OPCML: variants seen among roughly 807,000 people sequenced by gnomAD.
OPCML encodes opioid-binding protein/cell adhesion molecule.
In OPCML, 13 loss-of-function variants were observed where a neutral mutation model predicts 37.8. The observed-to-expected ratio is 0.34, with a 90% CI of 0.22 to 0.55. The LOEUF is 0.55. OPCML is among the 20% of genes least tolerant of loss of function. The probability of loss-of-function intolerance (pLI) is 0.91; values close to 1 mark genes in which losing one functional copy is unlikely to be tolerated. For missense variants in OPCML, 341 were observed against 435.6 expected, an observed-to-expected ratio of 0.78 and a Z score of 1.93; for synonymous variants, 176 against 168.8, an observed-to-expected ratio of 1.04 and a Z score of -0.33.
intron 4 of OPCML, among the ~76,000 whole-genome samples, chr11:132,512,643 T>A (rs2096271336): frequency 6.6e-6 from 1 of 151,830 alleles, no homozygotes; most frequent in South Asian, 2.1e-4. Flanking sequence ...TAGATATGTG[T>A]GTAGGGTGCA....
chr11:133,272,530 AC>A (rs1039578202), intron 1 of OPCML, among the ~76,000 whole-genome samples: 14 of 152,110 alleles, frequency 9.2e-5, no homozygotes, highest in African/African-American at 3.4e-4. Flanking sequence ...GCAGGCCTGA[AC>A]CCTGTGTCCC....
intron 1 of OPCML, among the ~76,000 whole-genome samples, chr11:133,030,720 A>C (rs1235383629): frequency 2.0e-5 from 3 of 152,190 alleles, no homozygotes; most frequent in Non-Finnish European, 4.4e-5. Flanking sequence ...TGCTCATTTT[A>C]GATTTTAAAA....
intron 1 of OPCML, among the ~76,000 whole-genome samples, chr11:133,408,703 T>C (rs991446063): frequency 6.6e-6 from 1 of 152,004 alleles, no homozygotes; most frequent in Non-Finnish European, 1.5e-5. Context: ...TATGCACAGC[T>C]GTAGGATGTG....
At chr11:132,530,657 A>T (rs143077483) in intron 3 of OPCML, among the ~76,000 whole-genome samples, 175 of 151,458 alleles carry the variant, frequency 1.2e-3, no homozygotes, top group Non-Finnish European at 2.0e-3. Flanking sequence ...GTTTCCTCTA[A>T]CACAGCACAT....
chr11:133,456,715 G>C (rs1946678829), intron 1 of OPCML, among the ~76,000 whole-genome samples: 1 of 149,994 alleles, frequency 6.7e-6, no homozygotes, highest in African/African-American at 2.5e-5. Context: ...TATCAACAAA[G>C]AGACAAAAAT....
intron 1 of OPCML, among the ~76,000 whole-genome samples, chr11:133,197,143 T>G (rs1388609852): frequency 6.6e-6 from 1 of 152,174 alleles, no homozygotes; most frequent in African/African-American, 2.4e-5. Context: ...TTTTATACAA[T>G]ATGGCATTTT....
intron 1 of OPCML, among the ~76,000 whole-genome samples, chr11:133,194,822 C>A (rs183982810): frequency 1.3e-5 from 2 of 152,154 alleles, no homozygotes; most frequent in Non-Finnish European, 2.9e-5. Flanking sequence ...GGGACACATA[C>A]GTAATGCCCC....
In OPCML at chr11:133,212,328, T is replaced by G. The variant is rs1430412849; in HGVS notation, c.62-269318A>C. 6.6e-6 allele frequency among the ~76,000 whole-genome samples: 1 copy of G among 152,076 alleles called. No individual in the cohort carries two copies. The highest frequency in any genetic ancestry group is 2.4e-5 in the African/African-American group (1 of 41,400). ...GCCCTGCTTCCCATTTCCTCTCAGA[T>G]CTCATCTCCTGCCACTCTCCCACTG... is the stretch of plus-strand genomic sequence containing the variant. On this transcript the variant is annotated intron_variant, in intron 1 of 7. Transcript: ENST00000524381. The surrounding 1 kb of genome is among the most constrained non-coding windows in gnomAD (Gnocchi z 4.9).
At chr11:132,549,068 C>T (rs2096375535) in intron 3 of OPCML, among the ~76,000 whole-genome samples, 3 of 152,094 alleles carry the variant, frequency 2.0e-5, no homozygotes, top group South Asian at 4.1e-4. Flanking sequence ...GTTAGGCATT[C>T]TTAGACACAG....
chr11:132,944,004 G>C (rs10894625), intron 1 of OPCML, among the ~76,000 whole-genome samples: 99,084 of 151,750 alleles, frequency 0.65, 33,471 homozygotes, highest in Non-Finnish European at 0.74. Context: ...CGAGCGGGCT[G>C]GCGGGCGGCG....
chr11:133,153,962 G>A (rs143107672), intron 1 of OPCML, among the ~76,000 whole-genome samples: 4,026 of 152,160 alleles, frequency 0.026, 79 homozygotes, highest in Non-Finnish European at 0.039. Context: ...CGAGAACACG[G>A]AAGTGCCCAC....
At chr11:133,127,149 T>C (rs1028350792) in intron 1 of OPCML, among the ~76,000 whole-genome samples, 6 of 152,162 alleles carry the variant, frequency 3.9e-5, no homozygotes, top group Admixed American at 1.3e-4. Flanking sequence ...CTTGTACTTC[T>C]AGGCTTAAAT....
At position 133,500,935 on chromosome 11, in the gene OPCML, G is replaced by A. The variant is rs141184225; in HGVS notation, c.61+31329C>T. Among the ~76,000 whole-genome samples the A allele has an allele frequency of 4.4e-3, 664 of 152,166 alleles. 6 individuals are homozygous for A. The highest frequency in any genetic ancestry group is 0.015 in the African/African-American group (632 of 41,502). The stretch of plus-strand genomic sequence containing the variant: ...TTGCAATTAGGAAGCTTGCAGAGGG[G>A]GAGTGCACAGTACAGGGCTCCTGGG... On this transcript the variant is annotated intron_variant, in intron 1 of 7. Coordinates refer to ENST00000524381, the MANE Select transcript of OPCML (RefSeq NM_001012393.5).
intron 1 of OPCML, among the ~76,000 whole-genome samples, chr11:133,526,234 T>C (rs1303966371): frequency 6.6e-6 from 1 of 152,198 alleles, no homozygotes; most frequent in Non-Finnish European, 1.5e-5. Context: ...TGGCCGTGTC[T>C]GGCACAGGCA....
chr11:133,142,599 T>C (rs139171301), intron 1 of OPCML, among the ~76,000 whole-genome samples: 1 of 152,314 alleles, frequency 6.6e-6, no homozygotes, highest in Non-Finnish European at 1.5e-5. Flanking sequence ...TTCATTTTAC[T>C]CACATGGGTA....
chr11:132,602,552 G>C (rs1937995630), intron 3 of OPCML, among the ~76,000 whole-genome samples: 2 of 152,318 alleles, frequency 1.3e-5, no homozygotes, highest in Middle Eastern at 3.4e-3. Flanking sequence ...GAGTAACCAT[G>C]ATCAGCAGTT....
chr11:133,333,192 G>T (rs1377516598), intron 1 of OPCML, among the ~76,000 whole-genome samples: 1 of 152,074 alleles, frequency 6.6e-6, no homozygotes, highest in African/African-American at 2.4e-5. Flanking sequence ...CCAAGCAGCT[G>T]GGATTACAGG....
At chr11:133,183,101 G>A (rs1040474347) in intron 1 of OPCML, among the ~76,000 whole-genome samples, 5 of 152,080 alleles carry the variant, frequency 3.3e-5, no homozygotes, top group African/African-American at 1.2e-4. Context: ...CTTTCTCTGG[G>A]TCCACATCTC....
At chr11:133,189,528 T>C (rs1156479520) in intron 1 of OPCML, among the ~76,000 whole-genome samples, 1 of 152,234 alleles carries the variant, frequency 6.6e-6, no homozygotes, top group African/African-American at 2.4e-5. Context: ...GTATCCATTG[T>C]TATAAATACT....
Sources: allele counts gnomAD v4.1 joint callset (sites outside exome capture counted in the v4.1 genomes callset), GRCh38; gene constraint gnomAD v4.1.1; non-coding constraint Gnocchi (gnomAD v3.1); transcripts MANE v1.5; gene names NCBI Gene and HGNC (gene_info 2026-07-23, HGNC 2026-07-21).